FGD5: variants seen among roughly 807,000 people sequenced by gnomAD.
FGD5 encodes the protein FYVE, RhoGEF and PH domain-containing protein 5.
Under a neutral mutation model 133.4 loss-of-function variants are expected in FGD5, and 28 were observed. The observed-to-expected ratio is 0.21, with a 90% confidence interval of 0.16 to 0.29. FGD5 has a LOEUF of 0.29. FGD5 is among the 10% of genes least tolerant of loss of function. The pLI is 1.00. For synonymous variants in FGD5, 810 were observed against 776.5 expected, an observed-to-expected ratio of 1.04 and a Z score of -0.72; for missense variants, 1,858 against 1,895.2, an observed-to-expected ratio of 0.98 and a Z score of 0.36.
intron 2 of FGD5, among the ~76,000 whole-genome samples, chr3:14,868,686 C>T (rs892590035): frequency 6.6e-6 from 1 of 152,236 alleles, no homozygotes; most frequent in South Asian, 2.1e-4. Flanking sequence ...GAAAACAATA[C>T]TCATCTCCTA....
At chr3:14,884,340 GCC>G (rs1173400360) in intron 4 of FGD5, among the ~76,000 whole-genome samples, 1 of 152,148 alleles carries the variant, frequency 6.6e-6, no homozygotes, top group Non-Finnish European at 1.5e-5. Flanking sequence ...TCACCATCCT[GCC>G]CCAGGATAAG....
In FGD5 at chr3:14,890,982, C is replaced by T. The variant is rs115152340; in HGVS notation, c.2749-6527C>T. On this transcript the variant is annotated intron_variant, in intron 4 of 19. Transcript: ENST00000285046. ...TCAGACAGGTGACAGCTTGCCCAGT[C>T]GTCCAATACCCTATCTAGCATCTGG... Among the ~76,000 whole-genome samples the T allele has an allele frequency of 3.7e-3, 569 of 152,282 alleles. 5 individuals are homozygous for T. Among genetic ancestry groups the T allele is most frequent in the African/African-American group, 0.013 (543 of 41,550 alleles).
chr3:14,891,315 C>T (rs368366507), intron 4 of FGD5, among the ~76,000 whole-genome samples: 3 of 152,208 alleles, frequency 2.0e-5, no homozygotes, highest in Non-Finnish European at 4.4e-5. Flanking sequence ...TCCATCCAGC[C>T]GCCCTCTGCA....
In FGD5 at chr3:14,922,428, G is replaced by A. The variant is rs922115183; in HGVS notation, c.3687G>A (p.Gly1229=). The part of the protein sequence containing the change: ...HHSVEIRERL[G]VSLGERPPTL... Reference sequence around the variant, plus strand: ...TGCTGCAGATACGAGAGAGGCTGGGGGTTAGCCTTGGGGAGAGGCCCCCCA... The same window carrying A: ...TGCTGCAGATACGAGAGAGGCTGGGAGTTAGCCTTGGGGAGAGGCCCCCCA... Residue 1229 remains glycine (G), a synonymous_variant, in exon 15 of 20, where the codon GGG becomes GGA. Coordinates refer to ENST00000285046, the MANE Select transcript of FGD5 (RefSeq NM_152536.4). This position sits in a 1 kb window ranked among gnomAD's most constrained non-coding sequence, Gnocchi z 4.1. 2 of 1,568,484 alleles carry A rather than the reference G, an allele frequency of 1.3e-6. No homozygotes were observed. The highest frequency in any genetic ancestry group is 3.3e-4 in the Middle Eastern group (2 of 6,014).
chr3:14,884,252 A>T lies in FGD5; in HGVS notation c.2748+3480A>T, dbSNP rs536433184. ...TAGAGGAAGCCAAAAGTTCCTACCAATCCCTCCTTTGGGCTAAGCCATTCA... is the reference window on the plus strand; with the variant it reads ...TAGAGGAAGCCAAAAGTTCCTACCATTCCCTCCTTTGGGCTAAGCCATTCA... On this transcript the variant is annotated intron_variant, in intron 4 of 19. Coordinates refer to ENST00000285046, the MANE Select transcript of FGD5 (RefSeq NM_152536.4). 2.0e-5 allele frequency among the ~76,000 whole-genome samples: 3 copies of T among 152,268 alleles called. No homozygotes were observed. In the East Asian group the frequency reaches 5.8e-4, roughly 29 times the overall value.
At chr3:14,825,237 T>A (rs2036577760) in intron 1 of FGD5, among the ~76,000 whole-genome samples, 1 of 152,204 alleles carries the variant, frequency 6.6e-6, no homozygotes, top group Non-Finnish European at 1.5e-5. Context: ...GTTAACAGTC[T>A]TTTATAAATT....
chr3:14,910,921 C>A lies in FGD5; in HGVS notation c.3397C>A (p.Leu1133Ile), dbSNP rs1415860850. The change falls in exon 11 of 20, where the codon CTA (leucine) becomes ATA (isoleucine). Residue 1133 changes from leucine to isoleucine, a missense_variant. Leu to Ile is a conservative substitution (Grantham distance 5). Transcript: ENST00000285046. ...VTGKNRRPRHLFLMNDVLLYT... is the reference protein window; with the variant it reads ...VTGKNRRPRHIFLMNDVLLYT... Reference sequence around the variant, plus strand: ...AGGGAAAAACAGACGGCCCCGGCACCTATTTCTGGTAAGTGCCCGGTCCCC... The same window carrying A: ...AGGGAAAAACAGACGGCCCCGGCACATATTTCTGGTAAGTGCCCGGTCCCC... The A allele has an allele frequency of 2.5e-6, 4 of 1,612,398 alleles. No individual in the cohort carries two copies. Among genetic ancestry groups the A allele is most frequent in the Non-Finnish European group, 3.4e-6 (4 of 1,179,224 alleles).
chr3:14,922,345 T>G lies in FGD5; in HGVS notation c.3670-66T>G. 2 of 1,545,608 alleles carry G rather than the reference T, an allele frequency of 1.3e-6. No homozygotes were observed. Among genetic ancestry groups the G allele is most frequent in the Non-Finnish European group, 1.7e-6 (2 of 1,142,998 alleles). ...CACAGAGACGCAGGGCAGGGCTCAC[T>G]GGGCTCTGCATCTGGCTGGTCTCCT... On this transcript the variant is annotated intron_variant, in intron 14 of 19. Coordinates refer to ENST00000285046, the MANE Select transcript of FGD5 (RefSeq NM_152536.4). The surrounding 1 kb of genome is among the most constrained non-coding windows in gnomAD (Gnocchi z 4.1).
At chr3:14,857,430 C>T (rs529886181) in intron 1 of FGD5, among the ~76,000 whole-genome samples, 44 of 152,300 alleles carry the variant, frequency 2.9e-4, no homozygotes, top group Middle Eastern at 3.4e-3. Flanking sequence ...GTTGGGATTA[C>T]AGGCTTGAGC....
rs547340455 is a variant in FGD5 at position 14,831,975 on chromosome 3, G to T, written c.2525+10379G>T. ...TAGTCTGGAACTTCCCAGTGTCACG[G>T]TTCTCAGAGTGGTCAGTGATATTTG... is the stretch of plus-strand genomic sequence containing the variant. On this transcript the variant is annotated intron_variant, in intron 1 of 19. Transcript: ENST00000285046. Among the ~76,000 whole-genome samples, 117 of 152,288 alleles carry T rather than the reference G, an allele frequency of 7.7e-4. 4 individuals are homozygous for T. In the South Asian group the frequency reaches 0.024, roughly 31 times the overall value.
intron 13 of FGD5, among the ~76,000 whole-genome samples, chr3:14,919,695 A>AG (rs1373744338): frequency 2.0e-5 from 3 of 152,354 alleles, no homozygotes; most frequent in Non-Finnish European, 2.9e-5. Context: ...CACAGGCTGC[A>AG]GGTCAGGAAG....
In FGD5 at chr3:14,921,948, C is replaced by T; in HGVS notation, c.3600C>T (p.Gly1200=). The part of the protein sequence containing the change: ...SSCAERDEWY[G]CLSRALPEDY... Reference sequence around the variant, plus strand: ...GTGCAGAGAGGGACGAGTGGTATGGCTGTCTGAGCAGAGCCCTCCCTGAGG... The same window carrying T: ...GTGCAGAGAGGGACGAGTGGTATGGTTGTCTGAGCAGAGCCCTCCCTGAGG... The change falls in exon 14 of 20, where the codon GGC becomes GGT. Residue 1200 remains glycine, a synonymous_variant. Coordinates refer to ENST00000285046, the MANE Select transcript of FGD5 (RefSeq NM_152536.4). The T allele has an allele frequency of 6.4e-7, 1 of 1,571,280 alleles. No homozygotes were observed. The highest frequency in any genetic ancestry group is 8.6e-7 in the Non-Finnish European group (1 of 1,158,252).
At position 14,819,951 on chromosome 3, in the gene FGD5, A is replaced by G; in HGVS notation, c.880A>G (p.Ser294Gly). The G allele has an allele frequency of 6.2e-7, 1 of 1,613,976 alleles. No individual in the cohort carries two copies. Among genetic ancestry groups the G allele is most frequent in the Middle Eastern group, 1.6e-4 (1 of 6,062 alleles). ...CACAGGTGGGGAACAGGTTGACCTC[A>G]GTGAACCACCTGACCACGAGAAGAA... ...GVTGGEQVDL[S>G]EPPDHEKKTN... The change falls in exon 1 of 20, where the codon AGT (serine) becomes GGT (glycine). Residue 294 changes from serine to glycine, a missense_variant. By Grantham distance (56) the Ser-to-Gly change is moderately conservative. Transcript: ENST00000285046. This position sits in a 1 kb window ranked among gnomAD's most constrained non-coding sequence, Gnocchi z 4.1.
intron 1 of FGD5, among the ~76,000 whole-genome samples, chr3:14,834,844 T>C (rs1003218326): frequency 1.3e-5 from 2 of 152,180 alleles, no homozygotes; most frequent in Non-Finnish European, 2.9e-5. Flanking sequence ...TTGCCTTCTA[T>C]TTTACAAGAA....
chr3:14,813,184 G>GA (rs921369358), intron 1 of FGD5, among the ~76,000 whole-genome samples: 4 of 151,332 alleles, frequency 2.6e-5, no homozygotes, highest in African/African-American at 9.7e-5. Context: ...ACGGCCCTAT[G>GA]AAAAAAAAGG....
intron 1 of FGD5, among the ~76,000 whole-genome samples, chr3:14,859,130 T>G (rs2037345260): frequency 6.6e-6 from 1 of 152,244 alleles, no homozygotes; most frequent in African/African-American, 2.4e-5. Context: ...AATTTTTGAT[T>G]GACAAATCAT....
Position 14,820,696 on chromosome 3 carries a change from G to A in FGD5, c.1625G>A (p.Arg542Lys), listed in dbSNP as rs773060678. ...AGCAGGGCCTTGCCAGCAAAGCCCA[G>A]GGCCTTTACTTTATACCCTCGGTCG... ...EASRALPAKP[R>K]AFTLYPRSFS... Residue 542 changes from arginine to lysine, a missense_variant, in exon 1 of 20, where the codon AGG (arginine) becomes AAG (lysine). Arg to Lys is a conservative substitution (Grantham distance 26, BLOSUM62 2). This residue lies in a region of FGD5 where 1,824 missense variants were observed against 1,848.9 expected (regional missense o/e 0.99). Coordinates refer to ENST00000285046, the MANE Select transcript of FGD5 (RefSeq NM_152536.4). 8.8e-6 allele frequency: 14 copies of A among 1,592,886 alleles called. No individual in the cohort carries two copies. The East Asian group carries it at 2.9e-4, about 33-fold the overall frequency.
intron 2 of FGD5, among the ~76,000 whole-genome samples, chr3:14,874,932 C>T (rs1186357532): frequency 6.6e-6 from 1 of 152,322 alleles, no homozygotes; most frequent in Non-Finnish European, 1.5e-5. Flanking sequence ...CTCCTTCTCC[C>T]CTCGCTTGTC....
rs531914603 is a variant in FGD5 at position 14,831,754 on chromosome 3, G to C, written c.2525+10158G>C. On this transcript the variant is annotated intron_variant, in intron 1 of 19. Transcript: ENST00000285046. The stretch of plus-strand genomic sequence containing the variant: ...AGTTTTAGAGCAAAGGGTGGGAGGT[G>C]CCAAGATCAGCTAGTACTCTAGTAC... Among the ~76,000 whole-genome samples, 4 of 152,336 alleles carry C rather than the reference G, an allele frequency of 2.6e-5. No homozygotes were observed. In the South Asian group the frequency reaches 8.3e-4, roughly 32 times the overall value.
Sources: gnomAD v4.1 joint callset for allele counts (sites outside exome capture counted in the v4.1 genomes callset) on GRCh38, gnomAD v4.1.1 for gene constraint, gnomAD v4.1.1 regional missense constraint, Gnocchi (gnomAD v3.1) non-coding constraint, MANE v1.5 for transcripts, NCBI Gene and HGNC (gene_info 2026-07-23, HGNC 2026-07-21) for gene names.